STXBP5L: variants seen among roughly 807,000 people sequenced by gnomAD.
STXBP5L encodes syntaxin-binding protein 5-like.
Under a neutral mutation model 144.5 loss-of-function variants are expected in STXBP5L, and 65 were observed. That is an observed-to-expected ratio of 0.45 (90% CI 0.37 to 0.55). The LOEUF is 0.55. Ranked by LOEUF, STXBP5L falls within the 20% of genes least tolerant of loss-of-function variation. The pLI, the probability that STXBP5L is intolerant of heterozygous loss-of-function variation, is 0.00. For missense variants in STXBP5L, 1,298 were observed against 1,405.5 expected (o/e 0.92, Z 1.22); for synonymous variants, 505 against 469.6 (o/e 1.08, Z -0.97).
rs561599304 is a variant in STXBP5L, at chr3:121,089,288, T to C, written c.471-25637T>C. 2.0e-5 allele frequency among the ~76,000 whole-genome samples: 3 copies of C among 151,900 alleles called. No homozygotes were observed. The South Asian group carries it at 6.2e-4, about 32-fold the overall frequency. ...CATAAAGCAATTTTTTATTGGTCTTTTAAAGAAAAAATTTTTAGTTTTCCT... is the reference window on the plus strand; with the variant it reads ...CATAAAGCAATTTTTTATTGGTCTTCTAAAGAAAAAATTTTTAGTTTTCCT... On this transcript the variant is annotated intron_variant, in intron 5 of 26. Transcript: ENST00000471454.
At chr3:121,050,307 ATTTC>A (rs1947865635) in intron 5 of STXBP5L, among the ~76,000 whole-genome samples, 1 of 152,078 alleles carries the variant, frequency 6.6e-6, no homozygotes, top group South Asian at 2.1e-4. Flanking sequence ...GATAGGACTT[ATTTC>A]TTTAGTCCTA....
intron 16 of STXBP5L, 38 bp from the exon 17 acceptor site, chr3:121,257,123 G>T: frequency 6.9e-7 from 1 of 1,449,686 alleles, no homozygotes; most frequent in South Asian, 1.3e-5. Context: ...ATGATTATTA[G>T]TGTGACTTAA....
chr3:121,344,918 G>T (rs2044891459), intron 20 of STXBP5L, among the ~76,000 whole-genome samples: 1 of 149,872 alleles, frequency 6.7e-6, no homozygotes, highest in Non-Finnish European at 1.5e-5. Context: ...ACAAAGAAGA[G>T]TATGTATATA....
At chr3:121,185,609 G>A (rs1283775305) in intron 9 of STXBP5L, among the ~76,000 whole-genome samples, 1 of 152,136 alleles carries the variant, frequency 6.6e-6, no homozygotes, top group Non-Finnish European at 1.5e-5. Context: ...GATGGTTGTA[G>A]ATATGTGGTA....
At chr3:120,983,793 T>A (rs1167177665) in intron 3 of STXBP5L, among the ~76,000 whole-genome samples, 1 of 152,178 alleles carries the variant, frequency 6.6e-6, no homozygotes, top group Non-Finnish European at 1.5e-5. Context: ...CATTCTTATT[T>A]GCTTTCTGTG....
chr3:121,002,712 C>A (rs1257923275), intron 3 of STXBP5L, among the ~76,000 whole-genome samples: 14 of 151,648 alleles, frequency 9.2e-5, no homozygotes, highest in African/African-American at 1.9e-4. Context: ...CCCAGCCCCC[C>A]ACCCCACAAC....
At chr3:121,348,798 G>A (rs2045127898) in intron 20 of STXBP5L, among the ~76,000 whole-genome samples, 2 of 151,980 alleles carry the variant, frequency 1.3e-5, no homozygotes, top group Non-Finnish European at 2.9e-5. Context: ...GGGATCGGCG[G>A]TGATATCCCC....
At chr3:121,121,590 A>T (rs1396439203) in intron 6 of STXBP5L, 51 bp from the exon 7 acceptor site, 3 of 1,292,722 alleles carry the variant, frequency 2.3e-6, no homozygotes, top group Non-Finnish European at 2.2e-6. Context: ...CTCTAGTGGT[A>T]AGGTATTTTA....
At chr3:121,305,699 G>A (rs554182344) in intron 19 of STXBP5L, among the ~76,000 whole-genome samples, 3 of 152,202 alleles carry the variant, frequency 2.0e-5, no homozygotes, top group Admixed American at 6.5e-5. Context: ...ACTTGATTGT[G>A]AAATACTGAC....
At chr3:121,240,815 T>C (rs1410075870) in intron 14 of STXBP5L, among the ~76,000 whole-genome samples, 4 of 152,190 alleles carry the variant, frequency 2.6e-5, no homozygotes, top group Non-Finnish European at 4.4e-5. Flanking sequence ...CAAACACTTA[T>C]CTATTTCTGC....
At chr3:121,349,607 T>C (rs1335839887) in intron 20 of STXBP5L, among the ~76,000 whole-genome samples, 4 of 152,054 alleles carry the variant, frequency 2.6e-5, no homozygotes, top group Non-Finnish European at 4.4e-5. Flanking sequence ...TCTTTGTAGG[T>C]CTCTAAGGAC....
At chr3:121,022,241 ACT>A (rs1240942731) in intron 3 of STXBP5L, among the ~76,000 whole-genome samples, 1 of 152,068 alleles carries the variant, frequency 6.6e-6, no homozygotes, top group African/African-American at 2.4e-5. Context: ...CTCTAAACAG[ACT>A]CTAAATAGTA....
At chr3:121,090,918 T>A (rs2042750520) in intron 5 of STXBP5L, among the ~76,000 whole-genome samples, 1 of 107,222 alleles carries the variant, frequency 9.3e-6, no homozygotes, top group African/African-American at 3.8e-5. Flanking sequence ...CCCAGTGCTA[T>A]CCCTCCCCCC....
chr3:121,318,327 T>A, intron 19 of STXBP5L, 148 bp from the exon 20 acceptor site: 2 of 406,692 alleles, frequency 4.9e-6, no homozygotes, highest in Non-Finnish European at 8.7e-6. Flanking sequence ...AAAATATTTT[T>A]AAAATTCAGA....
At chr3:121,002,216 AT>A in intron 3 of STXBP5L, among the ~76,000 whole-genome samples, 2 of 152,218 alleles carry the variant, frequency 1.3e-5, no homozygotes, top group South Asian at 4.2e-4. Flanking sequence ...ATCAACACTT[AT>A]CTTTCTTCTC....
intron 5 of STXBP5L, among the ~76,000 whole-genome samples, chr3:121,091,649 G>T (rs1407800748): frequency 6.6e-6 from 1 of 152,144 alleles, no homozygotes. Flanking sequence ...AAATTTGTTT[G>T]AGTTCATCAT....
intron 10 of STXBP5L, among the ~76,000 whole-genome samples, chr3:121,221,449 T>C (rs1198833942): frequency 6.6e-6 from 1 of 151,756 alleles, no homozygotes; most frequent in Non-Finnish European, 1.5e-5. Context: ...TGGCCTTTAT[T>C]AATATTAATA....
chr3:121,092,148 G>T (rs2107737990), intron 5 of STXBP5L, among the ~76,000 whole-genome samples: 1 of 152,270 alleles, frequency 6.6e-6, no homozygotes, highest in East Asian at 1.9e-4. Context: ...TTTGGTACCA[G>T]TACCATGCTG....
rs547595555 is a variant in STXBP5L, at chr3:121,005,019, G to C, written c.288-36681G>C. On this transcript the variant is annotated intron_variant, in intron 3 of 26. Transcript: ENST00000471454. ...ATGTTGGTCTAAAATTCTCTTTTTT[G>C]GTTGTGTCTCTGCCAGGCTTTGGTA... 9.2e-5 allele frequency among the ~76,000 whole-genome samples: 14 copies of C among 151,966 alleles called. No individual in the cohort carries two copies. The East Asian group carries it at 2.5e-3, about 27-fold the overall frequency.
Sources: allele counts gnomAD v4.1 joint callset (sites outside exome capture counted in the v4.1 genomes callset), GRCh38; gene constraint gnomAD v4.1.1; transcripts MANE v1.5; gene names NCBI Gene and HGNC (gene_info 2026-07-23, HGNC 2026-07-21).